The following SRFBP1 variants were observed in gnomAD, a reference collection of about 807,000 sequenced individuals.
The protein encoded by SRFBP1 is serum response factor-binding protein 1.
Under a neutral mutation model 45.5 loss-of-function variants are expected in SRFBP1, and 47 were observed. The observed-to-expected ratio is 1.03, with a 90% CI of 0.82 to 1.32. SRFBP1 has a LOEUF of 1.32. Ranked by LOEUF, SRFBP1 falls within the 40% of genes most tolerant of loss-of-function variation. The probability of loss-of-function intolerance (pLI) is 0.00; values close to 1 mark genes in which losing one functional copy is unlikely to be tolerated. For missense variants in SRFBP1, 621 were observed against 484.6 expected (o/e 1.28, Z -2.64); for synonymous variants, 203 against 166.3 (o/e 1.22, Z -1.70).
chr5:121,999,043 G>T (rs1752798122), intron 4 of SRFBP1, among the ~76,000 whole-genome samples: 1 of 151,744 alleles, frequency 6.6e-6, no homozygotes, highest in African/African-American at 2.4e-5. Context: ...CTTGATTTGT[G>T]TTTTTTTCTG....
In SRFBP1 at chr5:122,005,318, G is replaced by A. The variant is rs116831974; in HGVS notation, c.270+10648G>A. Among the ~76,000 whole-genome samples, 713 of 152,040 alleles carry A rather than the reference G, an allele frequency of 4.7e-3. 3 individuals are homozygous for A. The highest frequency in any genetic ancestry group is 7.8e-3 in the Non-Finnish European group (527 of 67,930). The stretch of plus-strand genomic sequence containing the variant: ...CCGTTAACATTTGCTTTATGTATTT[G>A]GGTCCTCTGATACTGGATGCTTATA... On this transcript the variant is annotated intron_variant, in intron 4 of 7. Coordinates refer to ENST00000339397, the MANE Select transcript of SRFBP1 (RefSeq NM_152546.3).
Position 121,975,361 on chromosome 5 carries a change from T to C in SRFBP1, c.172T>C (p.Leu58=). The change falls in exon 3 of 8, where the codon TTG becomes CTG. Residue 58 remains leucine, a synonymous_variant. Transcript: ENST00000339397. ...AAAAAACCAAAGACGGGCGCAAAGA[T>C]TGCTTGAAGAAATCCATGCCATGAA... ...LLKNQRRAQR[L]LEEIHAMKEL... 2 of 1,613,342 alleles carry C rather than the reference T, an allele frequency of 1.2e-6. No individual in the cohort carries two copies. The highest frequency in any genetic ancestry group is 1.3e-5 in the African/African-American group (1 of 75,024).
At chr5:122,045,456 T>A (rs974455455) in intron 2 of SRFBP1, among the ~76,000 whole-genome samples, 27 of 152,224 alleles carry the variant, frequency 1.8e-4, no homozygotes, top group Non-Finnish European at 3.7e-4. Flanking sequence ...AGTATGGCCA[T>A]TTTAACAATA....
chr5:122,052,840 C>T lies in SRFBP1; in HGVS notation n.312-22475C>T, dbSNP rs1224239837. On this transcript the variant is annotated intron_variant and non_coding_transcript_variant, in intron 2 of 2. Transcript: ENST00000504881. ...AGGCTTTTTGAGTGCTCAGAGGTCT[C>T]GTGCTGGTTATTTCTCATTTGTATG... Among the ~76,000 whole-genome samples, 5 of 152,184 alleles carry T rather than the reference C, an allele frequency of 3.3e-5. No individual in the cohort carries two copies. In the South Asian group the frequency reaches 8.3e-4, roughly 25 times the overall value.
At chr5:122,010,703 C>T (rs548508550) in intron 4 of SRFBP1, among the ~76,000 whole-genome samples, 1 of 150,220 alleles carries the variant, frequency 6.7e-6, no homozygotes, top group East Asian at 1.9e-4. Flanking sequence ...GTGTGTGTAT[C>T]AAATTAAATT....
chr5:122,043,157 C>A (rs889637103), intron 2 of SRFBP1, among the ~76,000 whole-genome samples: 4 of 152,126 alleles, frequency 2.6e-5, no homozygotes, highest in African/African-American at 9.7e-5. Flanking sequence ...CTAATAGGGT[C>A]ATGAGACTTA....
At chr5:121,972,164 A>G (rs945704664) in intron 1 of SRFBP1, among the ~76,000 whole-genome samples, 3 of 152,006 alleles carry the variant, frequency 2.0e-5, no homozygotes, top group Admixed American at 6.6e-5. Context: ...GGGATAATCC[A>G]TAGTAGAGGT....
intron 4 of SRFBP1, among the ~76,000 whole-genome samples, chr5:122,016,970 C>A (rs948062273): frequency 7.2e-5 from 11 of 152,224 alleles, no homozygotes; most frequent in Non-Finnish European, 1.2e-4. Context: ...GTGGCTCACA[C>A]CTGTAATCCC....
intron 4 of SRFBP1, among the ~76,000 whole-genome samples, chr5:122,006,928 A>G (rs1752987198): frequency 6.6e-6 from 1 of 152,022 alleles, no homozygotes; most frequent in Non-Finnish European, 1.5e-5. Flanking sequence ...CTACTAGGAT[A>G]TTATCCCATT....
intron 3 of SRFBP1, among the ~76,000 whole-genome samples, chr5:121,990,769 A>G (rs1752604326): frequency 6.6e-6 from 1 of 152,184 alleles, no homozygotes; most frequent in Non-Finnish European, 1.5e-5. Flanking sequence ...TATTGTAAGC[A>G]AAAGTTGTTT....
At chr5:122,076,831 G>C, downstream of SRFBP1, 1 of 1,450,860 alleles carries the variant, frequency 6.9e-7, no homozygotes, top group Non-Finnish European at 9.7e-7. Flanking sequence ...GTCAGAACCA[G>C]GCACCAGAGC....
intron 4 of SRFBP1, among the ~76,000 whole-genome samples, chr5:121,999,035 T>G (rs1752797738): frequency 6.6e-6 from 1 of 152,208 alleles, no homozygotes; most frequent in Non-Finnish European, 1.5e-5. Context: ...TAGATCTTCT[T>G]GATTTGTGTT....
In SRFBP1 at chr5:121,964,897, A is replaced by C. The variant is rs531572137; in HGVS notation, c.36+2829A>C. On this transcript the variant is annotated intron_variant, in intron 1 of 7. Coordinates refer to ENST00000339397, the MANE Select transcript of SRFBP1 (RefSeq NM_152546.3). ...AATGATCGCCATTCTAACTGGCATG[A>C]GATGGTATCTCATTGTGGTTTGGAT... Among the ~76,000 whole-genome samples the C allele has an allele frequency of 9.8e-5, 15 of 152,290 alleles. No individual in the cohort carries two copies. The South Asian group carries it at 2.9e-3, about 29-fold the overall frequency.
intron 3 of SRFBP1, among the ~76,000 whole-genome samples, chr5:121,991,429 A>C (rs1237135401): frequency 1.3e-5 from 2 of 152,134 alleles, no homozygotes; most frequent in Non-Finnish European, 2.9e-5. Context: ...GCGAGTCCTG[A>C]CAATTTAGCA....
intron 3 of SRFBP1, among the ~76,000 whole-genome samples, chr5:121,976,110 A>T (rs773872589): frequency 2.0e-5 from 3 of 151,674 alleles, no homozygotes; most frequent in Non-Finnish European, 4.4e-5. Context: ...TTTTGAATTA[A>T]GTAAAAGAGA....
chr5:121,997,625 A>G (rs1242122015), intron 4 of SRFBP1, among the ~76,000 whole-genome samples: 2 of 151,692 alleles, frequency 1.3e-5, no homozygotes, highest in Non-Finnish European at 1.5e-5. Flanking sequence ...CATATCCAAA[A>G]CACCAAAAGC....
intron 2 of SRFBP1, among the ~76,000 whole-genome samples, chr5:122,057,680 C>A (rs1754107554): frequency 6.6e-6 from 1 of 151,590 alleles, no homozygotes; most frequent in Admixed American, 6.6e-5. Flanking sequence ...ATGAATCTAG[C>A]AATGTTCATT....
intron 2 of SRFBP1, among the ~76,000 whole-genome samples, chr5:122,045,016 A>G (rs991112143): frequency 6.6e-5 from 10 of 152,126 alleles, no homozygotes; most frequent in African/African-American, 2.4e-4. Flanking sequence ...TCTTTAATCC[A>G]TCTTGAGTTA....
intron 4 of SRFBP1, among the ~76,000 whole-genome samples, chr5:121,998,610 A>G (rs961957153): frequency 4.6e-5 from 7 of 150,988 alleles, no homozygotes; most frequent in Admixed American, 1.3e-4. Flanking sequence ...GCACGTGTAT[A>G]CATATGTAAG....
Sources: gnomAD v4.1 joint callset for allele counts (sites outside exome capture counted in the v4.1 genomes callset) on GRCh38, gnomAD v4.1.1 for gene constraint, MANE v1.5 for transcripts, NCBI Gene and HGNC (gene_info 2026-07-23, HGNC 2026-07-21) for gene names.